TMEM178B: variants seen among roughly 807,000 people sequenced by gnomAD.
TMEM178B encodes transmembrane protein 178B.
In TMEM178B, 5 loss-of-function variants were observed where a neutral mutation model predicts 31.0. The ratio of observed to expected loss-of-function variants is 0.16; its 90% confidence interval spans 0.08 to 0.34. TMEM178B has a LOEUF of 0.34. TMEM178B is among the 10% of genes least tolerant of loss of function. TMEM178B has a pLI of 1.00. For missense variants in TMEM178B, 275 were observed against 400.3 expected (o/e 0.69, Z 2.67); for synonymous variants, 164 against 164.0 (o/e 1.00, Z 0.00).
intron 3 of TMEM178B, among the ~76,000 whole-genome samples, chr7:141,470,148 A>G (rs1802213491): frequency 6.6e-6 from 1 of 152,248 alleles, no homozygotes; most frequent in Non-Finnish European, 1.5e-5. Flanking sequence ...AGCAAACAGT[A>G]GGTGTTTTCC....
chr7:141,114,628 C>A (rs746699916), intron 1 of TMEM178B, among the ~76,000 whole-genome samples: 3 of 152,232 alleles, frequency 2.0e-5, no homozygotes, highest in African/African-American at 7.2e-5. Context: ...TTGTCTCTTT[C>A]CAAAGTCTCC....
intron 2 of TMEM178B, among the ~76,000 whole-genome samples, chr7:141,280,543 G>A (rs1454295722): frequency 1.3e-5 from 2 of 152,026 alleles, no homozygotes; most frequent in African/African-American, 2.4e-5. Context: ...CAGCATGATT[G>A]TGAGGCCTCC....
intron 2 of TMEM178B, among the ~76,000 whole-genome samples, chr7:141,338,936 C>T (rs969564417): frequency 1.3e-5 from 2 of 152,190 alleles, no homozygotes; most frequent in Admixed American, 6.5e-5. Flanking sequence ...GCTACTCTGA[C>T]CTAGAAGCTA....
chr7:141,215,946 C>G (rs1797137302), intron 2 of TMEM178B, among the ~76,000 whole-genome samples: 1 of 140,824 alleles, frequency 7.1e-6, no homozygotes, highest in African/African-American at 2.6e-5. Context: ...TGTTCTGTTG[C>G]CCAGGCTGGA....
intron 2 of TMEM178B, among the ~76,000 whole-genome samples, chr7:141,436,230 A>G (rs1801537304): frequency 6.6e-6 from 1 of 152,082 alleles, no homozygotes; most frequent in South Asian, 2.1e-4. Context: ...GTGGTCTCTG[A>G]GGTATTCTCC....
chr7:141,379,864 C>T (rs1210751019), intron 2 of TMEM178B, among the ~76,000 whole-genome samples: 1 of 152,182 alleles, frequency 6.6e-6, no homozygotes. Flanking sequence ...TAACACTAAA[C>T]AGTTCTTAGG....
At chr7:141,429,733 A>G (rs1357870417) in intron 2 of TMEM178B, 3 of 152,226 alleles carry the variant, frequency 2.0e-5, no homozygotes, top group African/African-American at 7.2e-5. Context: ...GTGTGAGTTC[A>G]TTTGTTGATG....
chr7:141,363,543 A>T (rs915139623), intron 2 of TMEM178B, among the ~76,000 whole-genome samples: 1 of 152,154 alleles, frequency 6.6e-6, no homozygotes, highest in Non-Finnish European at 1.5e-5. Flanking sequence ...ACTTGAACGC[A>T]ATTCTCTGAT....
the TMEM178B span, among the ~76,000 whole-genome samples, chr7:141,507,737 G>A: frequency 0.041 from 6,172 of 152,254 alleles, 395 homozygotes; most frequent in African/African-American, 0.14. Context: ...CCAAGGCTTG[G>A]AGCTTCCATT....
chr7:141,256,800 T>C (rs1797936056), intron 2 of TMEM178B, among the ~76,000 whole-genome samples: 1 of 152,084 alleles, frequency 6.6e-6, no homozygotes, highest in South Asian at 2.1e-4. Flanking sequence ...TAGTTGGATT[T>C]GGGATACATT....
In TMEM178B at chr7:141,474,595, G is replaced by A. The variant is rs926103243; in HGVS notation, c.*3809G>A. The A allele has an allele frequency of 6.6e-6, 1 of 152,224 alleles. No homozygotes were observed. Among genetic ancestry groups the A allele is most frequent in the Non-Finnish European group, 1.5e-5 (1 of 68,064 alleles). 9.4% of individuals were successfully genotyped at this position (152,224 alleles called of 1,614,324 possible). A position where few individuals can be genotyped will look rare whatever the true frequency, so the allele number is the denominator to read the frequency against. The stretch of plus-strand genomic sequence containing the variant: ...CAAATCTAGACAAAGACTTTCTTAA[G>A]CGCCCTGAGCCCAGGTGCATATCTT... On this transcript the variant is annotated 3_prime_UTR_variant, in exon 4 of 4. Transcript: ENST00000565468.
intron 2 of TMEM178B, among the ~76,000 whole-genome samples, chr7:141,266,282 C>T (rs530043530): frequency 1.1e-3 from 162 of 152,254 alleles, no homozygotes; most frequent in African/African-American, 3.8e-3. Context: ...CCACCTGGAC[C>T]ATGATTAGTA....
chr7:141,427,061 G>A (rs1279557409), intron 2 of TMEM178B, among the ~76,000 whole-genome samples: 1 of 152,066 alleles, frequency 6.6e-6, no homozygotes, highest in Non-Finnish European at 1.5e-5. Context: ...AGAAATTGAA[G>A]AAGACACTAA....
At chr7:141,421,139 C>A (rs533635729) in intron 2 of TMEM178B, among the ~76,000 whole-genome samples, 12 of 152,290 alleles carry the variant, frequency 7.9e-5, no homozygotes, top group African/African-American at 2.9e-4. Flanking sequence ...CCCTCCTATG[C>A]AATGGGCTTT....
intron 2 of TMEM178B, among the ~76,000 whole-genome samples, chr7:141,275,986 A>G (rs537162154): frequency 6.6e-6 from 1 of 152,358 alleles, no homozygotes; most frequent in Non-Finnish European, 1.5e-5. Flanking sequence ...TAAATCCATG[A>G]CAACTTTTAT....
At chr7:141,084,072 T>C (rs2129171274) in intron 1 of TMEM178B, among the ~76,000 whole-genome samples, 1 of 152,332 alleles carries the variant, frequency 6.6e-6, no homozygotes, top group Non-Finnish European at 1.5e-5. Flanking sequence ...CCAAAAGTGC[T>C]GGGATTACAG....
chr7:141,221,061 C>G (rs955135631), intron 2 of TMEM178B, among the ~76,000 whole-genome samples: 2 of 152,154 alleles, frequency 1.3e-5, no homozygotes, highest in Admixed American at 1.3e-4. Flanking sequence ...GTCCCAACTT[C>G]CATACTTAAA....
chr7:141,290,602 C>T (rs1798529632), intron 2 of TMEM178B, among the ~76,000 whole-genome samples: 2 of 152,308 alleles, frequency 1.3e-5, no homozygotes, highest in Non-Finnish European at 2.9e-5. Flanking sequence ...AACACATGCA[C>T]ACACACGCGC....
At chr7:141,206,118 AT>A (rs1477151550) in intron 1 of TMEM178B, among the ~76,000 whole-genome samples, 5 of 152,224 alleles carry the variant, frequency 3.3e-5, no homozygotes, top group African/African-American at 1.2e-4. Flanking sequence ...AGAATAACTA[AT>A]ATTTATTGAG....
Sources: gnomAD v4.1 joint callset for allele counts (sites outside exome capture counted in the v4.1 genomes callset) on GRCh38, gnomAD v4.1.1 for gene constraint, MANE v1.5 for transcripts, NCBI Gene and HGNC (gene_info 2026-07-23, HGNC 2026-07-21) for gene names.